The following SCN8A variants were observed in gnomAD, a reference collection of about 807,000 sequenced individuals.
SCN8A encodes sodium voltage-gated channel alpha subunit 8.
SCN8A carries 30 observed loss-of-function variants against 184.1 expected under a neutral mutation model. That is an observed-to-expected ratio of 0.16 (90% CI 0.12 to 0.22). SCN8A has a LOEUF of 0.22. Ranked by LOEUF, SCN8A falls within the 10% of genes least tolerant of loss-of-function variation. The probability of loss-of-function intolerance (pLI) is 1.00; values close to 1 mark genes in which losing one functional copy is unlikely to be tolerated. For missense variants in SCN8A, 1,057 were observed against 2,498.9 expected (o/e 0.42, Z 12.30); for synonymous variants, 852 against 907.0 (o/e 0.94, Z 1.09).
intron 1 of SCN8A, among the ~76,000 whole-genome samples, chr12:51,640,665 A>G (rs1372758889): frequency 6.6e-6 from 1 of 152,050 alleles, no homozygotes; most frequent in Non-Finnish European, 1.5e-5. Context: ...TCATTTAAGG[A>G]TTTGGGACTT....
At chr12:51,666,324 CAAG>C (rs1373013501) in intron 2 of SCN8A, among the ~76,000 whole-genome samples, 3 of 152,150 alleles carry the variant, frequency 2.0e-5, no homozygotes, top group East Asian at 1.9e-4. Context: ...TAAGAAACAA[CAAG>C]AAGATCAGAG....
intron 26 of SCN8A, among the ~76,000 whole-genome samples, chr12:51,801,340 T>G (rs1938552338): frequency 1.3e-5 from 2 of 152,164 alleles, no homozygotes; most frequent in South Asian, 4.1e-4. Context: ...GGAAGAGCAA[T>G]CACAGAGCTC....
At chr12:51,705,391 T>C (rs968435998) in intron 9 of SCN8A, 26 bp from the exon 10 acceptor site, 1 of 1,611,292 alleles carries the variant, frequency 6.2e-7, no homozygotes, top group African/African-American at 1.3e-5. Context: ...TACAAGTGAC[T>C]CAGAAAATGG....
chr12:51,618,948 TG>T (rs1407658142), intron 1 of SCN8A, among the ~76,000 whole-genome samples: 3 of 152,182 alleles, frequency 2.0e-5, no homozygotes, highest in African/African-American at 7.2e-5. Context: ...AGCACCAGAT[TG>T]GAAAGCTGTA....
intron 19 of SCN8A, 50 bp downstream of exon 19, chr12:51,770,733 G>A (rs1021563465): frequency 6.3e-6 from 10 of 1,589,844 alleles, no homozygotes; most frequent in Non-Finnish European, 8.6e-6. Context: ...GAAGGGTGTA[G>A]AGAAGCCAGT....
At chr12:51,648,868 T>C (rs1303299254) in intron 1 of SCN8A, among the ~76,000 whole-genome samples, 1 of 151,996 alleles carries the variant, frequency 6.6e-6, no homozygotes, top group Non-Finnish European at 1.5e-5. Flanking sequence ...TTCCCAACAG[T>C]CCCCCAAAGT....
intron 1 of SCN8A, among the ~76,000 whole-genome samples, chr12:51,622,709 T>C (rs186837021): frequency 5.1e-4 from 77 of 152,290 alleles, no homozygotes; most frequent in African/African-American, 1.7e-3. Flanking sequence ...ACTATAAAGT[T>C]ACTATTTTTT....
At chr12:51,710,565 G>A (rs1306351230) in intron 11 of SCN8A, among the ~76,000 whole-genome samples, 4 of 152,064 alleles carry the variant, frequency 2.6e-5, no homozygotes, top group African/African-American at 4.8e-5. Context: ...AGTCTGAGGC[G>A]GGAAGATGGC....
intron 9 of SCN8A, among the ~76,000 whole-genome samples, chr12:51,703,816 T>C (rs912776224): frequency 3.9e-5 from 6 of 152,238 alleles, no homozygotes; most frequent in African/African-American, 1.4e-4. Flanking sequence ...AGTTCAAATA[T>C]CTGAGTTAAT....
intron 1 of SCN8A, among the ~76,000 whole-genome samples, chr12:51,611,839 C>A (rs899278867): frequency 6.6e-6 from 1 of 152,076 alleles, no homozygotes; most frequent in Admixed American, 6.5e-5. Context: ...TAATTTATTT[C>A]TTGTATATAG....
intron 6 of SCN8A, among the ~76,000 whole-genome samples, chr12:51,692,334 T>G (rs1941525047): frequency 1.3e-5 from 2 of 152,168 alleles, no homozygotes; most frequent in Admixed American, 1.3e-4. Flanking sequence ...ATATTCTGAG[T>G]ATGTCAGGGC....
intron 1 of SCN8A, among the ~76,000 whole-genome samples, chr12:51,631,601 G>T (rs1378474712): frequency 1.3e-5 from 2 of 152,168 alleles, no homozygotes; most frequent in Non-Finnish European, 1.5e-5. Flanking sequence ...ACTCAAGCTG[G>T]TTCATGTCTA....
chr12:51,602,587 C>T (rs921024830), intron 1 of SCN8A, among the ~76,000 whole-genome samples: 4 of 152,092 alleles, frequency 2.6e-5, no homozygotes, highest in East Asian at 1.9e-4. Context: ...ACTTAAAAAA[C>T]GGTTAAGATG....
chr12:51,807,142 A>G lies in SCN8A; in HGVS notation c.5656A>G (p.Ile1886Val), dbSNP rs1411587460. ...SNPSKVSYEPITTTLRRKQEE... is the reference protein window; with the variant it reads ...SNPSKVSYEPVTTTLRRKQEE... Reference sequence around the variant, plus strand: ...TCCTTCCAAAGTGTCTTACGAGCCAATCACAACCACACTGCGTCGCAAGCA... The same window carrying G: ...TCCTTCCAAAGTGTCTTACGAGCCAGTCACAACCACACTGCGTCGCAAGCA... The change falls in exon 27 of 27, where the codon ATC becomes GTC. Residue 1886 changes from isoleucine (I) to valine (V), a missense_variant. Physicochemically the swap from Ile to Val is conservative, Grantham distance 29. This residue lies in a region of SCN8A where 95 missense variants were observed against 140.2 expected (regional missense o/e 0.68). Transcript: ENST00000627620. The surrounding 1 kb of genome is among the most constrained non-coding windows in gnomAD (Gnocchi z 4.5). 1.2e-6 allele frequency: 2 copies of G among 1,613,970 alleles called. No individual in the cohort carries two copies. The highest frequency in any genetic ancestry group is 1.7e-5 in the Admixed American group (1 of 60,016).
chr12:51,600,425 A>T (rs1047734027), intron 1 of SCN8A, among the ~76,000 whole-genome samples: 3 of 152,200 alleles, frequency 2.0e-5, no homozygotes. Flanking sequence ...TTGCAGGCTG[A>T]GTTAAAGGTA....
intron 2 of SCN8A, among the ~76,000 whole-genome samples, chr12:51,665,750 A>G (rs1941021154): frequency 1.3e-5 from 2 of 152,166 alleles, no homozygotes; most frequent in South Asian, 4.1e-4. Flanking sequence ...TTTATGTAGC[A>G]CAGGAACCCT....
intron 1 of SCN8A, among the ~76,000 whole-genome samples, chr12:51,635,988 GT>G (rs202097417): frequency 1.3e-5 from 2 of 152,022 alleles, no homozygotes; most frequent in African/African-American, 2.4e-5. Flanking sequence ...TACACCCAGA[GT>G]TTTTGTTTTT....
intron 14 of SCN8A, among the ~76,000 whole-genome samples, chr12:51,761,385 A>G (rs980147903): frequency 3.9e-5 from 6 of 152,050 alleles, no homozygotes; most frequent in Non-Finnish European, 8.8e-5. Flanking sequence ...GAAGCACCGA[A>G]GTCTCCAACA....
chr12:51,809,663 C>T lies in SCN8A; in HGVS notation c.*2234C>T, dbSNP rs1938829095. The T allele has an allele frequency of 6.6e-6, 1 of 152,180 alleles. No individual in the cohort carries two copies. The highest frequency in any genetic ancestry group is 6.5e-5 in the Admixed American group (1 of 15,284). 9.4% of individuals were successfully genotyped at this position (152,180 alleles called of 1,614,324 possible). ...GTAAACAGCACAAAACAGAAGCTGA[C>T]ATGTGTGGTTATTCTTTTTAAGAGA... On this transcript the variant is annotated 3_prime_UTR_variant, in exon 27 of 27. Coordinates refer to ENST00000627620, the MANE Select transcript of SCN8A (RefSeq NM_001330260.2).
Sources: allele counts gnomAD v4.1 joint callset (sites outside exome capture counted in the v4.1 genomes callset), GRCh38; gene constraint gnomAD v4.1.1; regional missense constraint gnomAD v4.1.1; non-coding constraint Gnocchi (gnomAD v3.1); transcripts MANE v1.5; gene names NCBI Gene and HGNC (gene_info 2026-07-23, HGNC 2026-07-21).